Variants in TP63 observed in about 807,000 individuals in gnomAD.
The protein encoded by TP63 is tumor protein 63.
Under a neutral mutation model 82.8 loss-of-function variants are expected in TP63, and 17 were observed. The observed-to-expected ratio is 0.21, with a 90% CI of 0.14 to 0.31. The LOEUF (loss-of-function observed/expected upper bound fraction) is 0.31. Ranked by LOEUF, TP63 falls within the 10% of genes least tolerant of loss-of-function variation. The pLI is 1.00. For synonymous variants in TP63, 330 were observed against 321.7 expected (o/e 1.03, Z -0.28); for missense variants, 648 against 895.3 (o/e 0.72, Z 3.52).
intron 4 of TP63, among the ~76,000 whole-genome samples, chr3:189,854,739 C>T (rs774666853): frequency 8.6e-5 from 13 of 151,924 alleles, no homozygotes; most frequent in Non-Finnish European, 1.3e-4. Flanking sequence ...AGTAAAAAAG[C>T]GAGAAAGGGC....
intron 1 of TP63, among the ~76,000 whole-genome samples, chr3:189,697,745 C>A (rs1384068515): frequency 1.3e-5 from 2 of 151,934 alleles, no homozygotes; most frequent in African/African-American, 4.8e-5. Flanking sequence ...TTATACTTTT[C>A]TGCATATAGA....
rs575911646 is a variant in TP63, at chr3:189,785,014, C to T, written c.325-23258C>T. Reference sequence around the variant, plus strand: ...TCTGCAGCAGCCTGGAAAGCCCCAACATTTCTTAGCTTTCACGCATGTTCT... The same window carrying T: ...TCTGCAGCAGCCTGGAAAGCCCCAATATTTCTTAGCTTTCACGCATGTTCT... On this transcript the variant is annotated intron_variant, in intron 3 of 13. Coordinates refer to ENST00000264731, the MANE Select transcript of TP63 (RefSeq NM_003722.5). Among the ~76,000 whole-genome samples, 8 of 152,178 alleles carry T rather than the reference C, an allele frequency of 5.3e-5. No individual in the cohort carries two copies. The East Asian group carries it at 1.4e-3, about 26-fold the overall frequency.
chr3:189,866,677 T>C lies in TP63; in HGVS notation c.767-5T>C. 1 of 1,613,314 alleles carries C rather than the reference T, an allele frequency of 6.2e-7. No homozygotes were observed. Among genetic ancestry groups the C allele is most frequent in the South Asian group, 1.1e-5 (1 of 91,056 alleles). Reference sequence around the variant, plus strand: ...CTAACTCTTTTATTGTTTTCTGCTCTGCAGGACAGATTGCCCCTCCTAGTC... The same window carrying C: ...CTAACTCTTTTATTGTTTTCTGCTCCGCAGGACAGATTGCCCCTCCTAGTC... On this transcript the variant is annotated splice_region_variant and splice_polypyrimidine_tract_variant and intron_variant, in intron 5 of 13. Transcript: ENST00000264731.
At position 189,858,186 on chromosome 3, in the gene TP63, ACGAG is replaced by A. The variant is rs1237680252; in HGVS notation, c.580-6045_580-6042del. ...TTTGGGAGGCCGAGGCGGGCGGATC[ACGAG>A]GTCAGGAGATCGAGACCATCCTGGC... On this transcript the variant is annotated intron_variant, in intron 4 of 13. Transcript: ENST00000264731. 8.8e-3 allele frequency among the ~76,000 whole-genome samples: 137 copies of A among 15,614 alleles called. 45 individuals carry two copies. Among genetic ancestry groups the A allele is most frequent in the African/African-American group, 0.028 (60 of 2,180 alleles). 10.2% of individuals were successfully genotyped at this position (15,614 alleles called of 152,430 possible).
intron 1 of TP63, among the ~76,000 whole-genome samples, chr3:189,735,129 T>G (rs1044364715): frequency 5.3e-5 from 8 of 152,224 alleles, no homozygotes; most frequent in African/African-American, 1.7e-4. Context: ...TGCCATTGAG[T>G]ACTGTTGATT....
chr3:189,761,385 C>T (rs1722558859), intron 3 of TP63, among the ~76,000 whole-genome samples: 1 of 142,556 alleles, frequency 7.0e-6, no homozygotes, highest in African/African-American at 2.5e-5. Flanking sequence ...TTATCTCACT[C>T]AAGTTCAAAG....
chr3:189,737,950 T>A, intron 2 of TP63, 82 bp downstream of exon 2: 1 of 1,549,554 alleles, frequency 6.5e-7, no homozygotes, highest in Non-Finnish European at 8.9e-7. Context: ...TACTAGGGCA[T>A]GTTTTTTCTA....
At chr3:189,626,458 C>T (rs1485633421), upstream of TP63, among the ~76,000 whole-genome samples, 1 of 152,164 alleles carries the variant, frequency 6.6e-6, no homozygotes, top group Non-Finnish European at 1.5e-5. Flanking sequence ...GTTACCCTGA[C>T]ACAAAGGAAT....
intron 1 of TP63, among the ~76,000 whole-genome samples, chr3:189,723,901 G>A (rs1211033182): frequency 1.3e-5 from 2 of 151,958 alleles, no homozygotes; most frequent in African/African-American, 2.4e-5. Context: ...CAAAAATAGT[G>A]TGCACCCTCA....
chr3:189,651,961 C>G lies in TP63; in HGVS notation c.62+20384C>G, dbSNP rs934516114. On this transcript the variant is annotated intron_variant, in intron 1 of 13. Coordinates refer to ENST00000264731, the MANE Select transcript of TP63 (RefSeq NM_003722.5). ...AAGACAAGAATTAGGGTTTGGGAAC[C>G]TCCACCTAGATTTAAGAGGACGTGT... Among the ~76,000 whole-genome samples, 11 of 147,080 alleles carry G rather than the reference C, an allele frequency of 7.5e-5. 1 individual carries two copies. Among genetic ancestry groups the G allele is most frequent in the Non-Finnish European group, 1.5e-4 (10 of 67,312 alleles).
intron 3 of TP63, among the ~76,000 whole-genome samples, chr3:189,791,566 C>T (rs1019224070): frequency 9.2e-5 from 14 of 152,040 alleles, no homozygotes; most frequent in African/African-American, 3.4e-4. Flanking sequence ...AAAAGGCATC[C>T]CTTGTCTGTT....
chr3:189,643,969 A>G (rs565012185), intron 1 of TP63, among the ~76,000 whole-genome samples: 2 of 152,280 alleles, frequency 1.3e-5, no homozygotes, highest in South Asian at 4.1e-4. Context: ...CTCCTCTGTT[A>G]CATGGCTCCA....
intron 10 of TP63, chr3:189,880,515 AC>A (rs1719800567): frequency 5.0e-6 from 5 of 1,000,880 alleles, no homozygotes; most frequent in Non-Finnish European, 6.0e-6. Context: ...GTTTATTGGA[AC>A]CCTTTTCTGT....
chr3:189,841,462 C>T (rs1393271436), intron 4 of TP63, among the ~76,000 whole-genome samples: 1 of 152,178 alleles, frequency 6.6e-6, no homozygotes, highest in Non-Finnish European at 1.5e-5. Flanking sequence ...TTCTTCTTAT[C>T]AGACTGGCCT....
chr3:189,846,531 T>C (rs1714887927), intron 4 of TP63, among the ~76,000 whole-genome samples: 1 of 152,072 alleles, frequency 6.6e-6, no homozygotes, highest in Admixed American at 6.6e-5. Flanking sequence ...ATTGAATATA[T>C]GTACAGTATG....
rs1280356559 is a variant in TP63, at chr3:189,640,470, AGTTAGTACTGCTGCAAATGTG to A, written c.62+8896_62+8916del. 1.3e-4 allele frequency among the ~76,000 whole-genome samples: 20 copies of A among 152,240 alleles called. 1 individual carries two copies. The East Asian group carries it at 3.9e-3, about 29-fold the overall frequency. ...AATATTAATGCACGATTTATCTTCA[AGTTAGTACTGCTGCAAATGTG>A]GTCCATTGTAAATGTTGCAGTCACA... On this transcript the variant is annotated intron_variant, in intron 1 of 13. Coordinates refer to ENST00000264731, the MANE Select transcript of TP63 (RefSeq NM_003722.5).
chr3:189,641,696 TATA>T (rs1176532430), intron 1 of TP63, among the ~76,000 whole-genome samples: 7 of 152,186 alleles, frequency 4.6e-5, no homozygotes, highest in African/African-American at 1.2e-4. Flanking sequence ...TTGGTTTGGT[TATA>T]ATTTTTGTTA....
intron 1 of TP63, among the ~76,000 whole-genome samples, chr3:189,715,881 G>A (rs1718922677): frequency 6.6e-6 from 1 of 152,164 alleles, no homozygotes; most frequent in Admixed American, 6.5e-5. Flanking sequence ...ACTGAACCAT[G>A]CTCTTCTGTG....
chr3:189,886,503 C>G lies in TP63; in HGVS notation c.1459C>G (p.Arg487Gly). Residue 487 changes from arginine to glycine, a missense_variant, in exon 11 of 14, where the codon CGC becomes GGC. By Grantham distance (125) the Arg-to-Gly change is moderately radical. Around this residue, in one of 5 missense-constraint regions of TP63, gnomAD observed 342 missense variants for 425.7 expected, o/e 0.80. Coordinates refer to ENST00000264731, the MANE Select transcript of TP63 (RefSeq NM_003722.5). The part of the protein sequence containing the change: ...SVSQLINPQQ[R>G]NALTPTTIPD... ...GAGCCAGCTTATCAACCCTCAGCAG[C>G]GCAACGCCCTCACTCCTACAACCAT... 6.2e-7 allele frequency: 1 copy of G among 1,614,080 alleles called. No homozygotes were observed. Among genetic ancestry groups the G allele is most frequent in the Non-Finnish European group, 8.5e-7 (1 of 1,180,002 alleles).
Sources: gnomAD v4.1 joint callset for allele counts (sites outside exome capture counted in the v4.1 genomes callset) on GRCh38, gnomAD v4.1.1 for gene constraint, gnomAD v4.1.1 regional missense constraint, MANE v1.5 for transcripts, NCBI Gene and HGNC (gene_info 2026-07-23, HGNC 2026-07-21) for gene names.